AK5: variants seen among roughly 807,000 people sequenced by gnomAD.
AK5 encodes adenylate kinase isoenzyme 5.
In AK5, 27 loss-of-function variants were observed where a neutral mutation model predicts 69.5. The observed-to-expected ratio is 0.39, with a 90% CI of 0.29 to 0.54. The LOEUF is 0.54. Among genes scored for constraint, AK5 ranks in the 20% least tolerant of loss-of-function variants. AK5 has a pLI of 0.71. For missense variants in AK5, 531 were observed against 700.4 expected, an observed-to-expected ratio of 0.76 and a Z score of 2.73; for synonymous variants, 260 against 244.4, an observed-to-expected ratio of 1.06 and a Z score of -0.60.
intron 6 of AK5, among the ~76,000 whole-genome samples, chr1:77,392,556 A>T (rs1648554841): frequency 6.6e-6 from 1 of 152,218 alleles, no homozygotes; most frequent in Non-Finnish European, 1.5e-5. Flanking sequence ...GAAAGAGAGA[A>T]CCTATATTGG....
At chr1:77,531,108 G>A (rs926647885) in intron 12 of AK5, among the ~76,000 whole-genome samples, 6 of 152,102 alleles carry the variant, frequency 3.9e-5, no homozygotes, top group Non-Finnish European at 7.4e-5. Flanking sequence ...TAAAGGCAGC[G>A]TGTCCGGAGT....
intron 8 of AK5, among the ~76,000 whole-genome samples, chr1:77,456,592 A>G (rs1653499430): frequency 6.6e-6 from 1 of 152,202 alleles, no homozygotes; most frequent in Admixed American, 6.5e-5. Context: ...TAAAAGAACG[A>G]GGATGGGCCT....
In AK5 at chr1:77,559,765, A is replaced by T. The variant is rs1416821629; in HGVS notation, c.*1095A>T. ...TGCTATCAATCAGTTGTAAAATCAG[A>T]GCTGCTTATATATTCTACTGGAATA... On this transcript the variant is annotated 3_prime_UTR_variant, in exon 14 of 14. Coordinates refer to ENST00000354567, the MANE Select transcript of AK5 (RefSeq NM_174858.3). The T allele has an allele frequency of 6.6e-6, 1 of 151,936 alleles. No homozygotes were observed. The highest frequency in any genetic ancestry group is 6.6e-5 in the Admixed American group (1 of 15,250). The allele number at this position is 151,936 out of a possible 1,614,324, so 9.4% of individuals were successfully genotyped here.
At chr1:77,415,891 A>G (rs193101883) in intron 7 of AK5, among the ~76,000 whole-genome samples, 2 of 152,224 alleles carry the variant, frequency 1.3e-5, no homozygotes, top group Admixed American at 6.5e-5. Context: ...CAAGTTTTTT[A>G]ACTTCTCTGC....
chr1:77,303,168 A>G (rs1028499782), intron 5 of AK5, among the ~76,000 whole-genome samples: 1 of 152,184 alleles, frequency 6.6e-6, no homozygotes, highest in African/African-American at 2.4e-5. Context: ...GGACAGTTTT[A>G]GTCCTCACAT....
chr1:77,356,291 T>C (rs912747819), intron 6 of AK5, among the ~76,000 whole-genome samples: 4 of 152,216 alleles, frequency 2.6e-5, no homozygotes, highest in Non-Finnish European at 4.4e-5. Flanking sequence ...GAACACTTGG[T>C]ACATAGTAAG....
intron 5 of AK5, among the ~76,000 whole-genome samples, chr1:77,332,439 G>A (rs1258796315): frequency 6.7e-6 from 1 of 148,452 alleles, no homozygotes; most frequent in African/African-American, 2.5e-5. Flanking sequence ...ATAGATCACT[G>A]ATTTCAACCT....
chr1:77,287,658 G>C (rs1449312479), intron 2 of AK5, among the ~76,000 whole-genome samples: 1 of 152,194 alleles, frequency 6.6e-6, no homozygotes, highest in African/African-American at 2.4e-5. Context: ...AACAATTCAT[G>C]AATTGGGCAA....
intron 13 of AK5, among the ~76,000 whole-genome samples, chr1:77,538,672 A>G (rs1659116866): frequency 6.6e-6 from 1 of 152,274 alleles, no homozygotes; most frequent in African/African-American, 2.4e-5. Flanking sequence ...AAAATTAAAA[A>G]AAAGAAAGGT....
chr1:77,558,550 C>T, intron 13 of AK5, 52 bp from the exon 14 acceptor site: 1 of 1,169,314 alleles, frequency 8.6e-7, no homozygotes, highest in Non-Finnish European at 1.3e-6. Context: ...CATTATTAAA[C>T]ATGATTTACA....
chr1:77,325,896 T>C (rs1037650212), intron 5 of AK5, among the ~76,000 whole-genome samples: 2 of 151,892 alleles, frequency 1.3e-5, no homozygotes, highest in Non-Finnish European at 2.9e-5. Flanking sequence ...GAAAAAGAAA[T>C]GAATGAAGAA....
chr1:77,376,314 G>A (rs2602938), intron 6 of AK5, among the ~76,000 whole-genome samples: 4,074 of 151,994 alleles, frequency 0.027, 78 homozygotes, highest in Non-Finnish European at 0.039. Context: ...AGGGCAAGTA[G>A]GTCGAAGCAG....
At chr1:77,431,713 G>A (rs1200638733) in intron 8 of AK5, among the ~76,000 whole-genome samples, 1 of 152,096 alleles carries the variant, frequency 6.6e-6, no homozygotes, top group Non-Finnish European at 1.5e-5. Context: ...AACAGAGAGG[G>A]AAATTCTCTA....
chr1:77,477,969 C>T (rs960111684), intron 8 of AK5, among the ~76,000 whole-genome samples: 6 of 152,214 alleles, frequency 3.9e-5, no homozygotes, highest in South Asian at 4.1e-4. Flanking sequence ...AAAACCAAAA[C>T]GGTTTAAGGA....
In AK5 at chr1:77,518,605, G is replaced by A. The variant is rs1370107396; in HGVS notation, c.1189G>A (p.Val397Met). Residue 397 changes from valine (V) to methionine (M), a missense_variant, in exon 11 of 14, where the codon GTG becomes ATG. Coordinates refer to ENST00000354567, the MANE Select transcript of AK5 (RefSeq NM_174858.3). ...SGKGTQCEKL[V>M]EKYGFTHLST... is the part of the protein sequence containing the mutation. ...CAAAGGCACACAGTGTGAAAAGCTG[G>A]TGGAAAAATATGGATTTACACATCT... 1.2e-6 allele frequency: 2 copies of A among 1,614,170 alleles called. No individual in the cohort carries two copies. The highest frequency in any genetic ancestry group is 1.7e-6 in the Non-Finnish European group (2 of 1,180,006).
intron 6 of AK5, among the ~76,000 whole-genome samples, chr1:77,350,854 TG>T (rs1662156169): frequency 6.6e-6 from 1 of 152,162 alleles, no homozygotes; most frequent in South Asian, 2.1e-4. Context: ...CATTATCAAG[TG>T]ACATTAAAAT....
At chr1:77,554,068 G>A (rs1381960581) in intron 13 of AK5, among the ~76,000 whole-genome samples, 3 of 152,206 alleles carry the variant, frequency 2.0e-5, no homozygotes, top group Non-Finnish European at 4.4e-5. Context: ...CATATATTGT[G>A]TGATTTCATT....
chr1:77,394,717 T>G (rs1648719224), intron 6 of AK5, among the ~76,000 whole-genome samples: 1 of 152,178 alleles, frequency 6.6e-6, no homozygotes, highest in Non-Finnish European at 1.5e-5. Flanking sequence ...AAGTTCCTAC[T>G]TGGACAGGGA....
chr1:77,482,922 A>G (rs1464616412), intron 8 of AK5, among the ~76,000 whole-genome samples: 1 of 146,582 alleles, frequency 6.8e-6, no homozygotes, highest in Non-Finnish European at 1.5e-5. Flanking sequence ...ACCTACCACT[A>G]AGCTTCTGAT....
Sources: gnomAD v4.1 joint callset for allele counts (sites outside exome capture counted in the v4.1 genomes callset) on GRCh38, gnomAD v4.1.1 for gene constraint, MANE v1.5 for transcripts, NCBI Gene and HGNC (gene_info 2026-07-23, HGNC 2026-07-21) for gene names.